The following PTPRN2 variants were observed in gnomAD, a reference collection of about 807,000 sequenced individuals.
The protein encoded by PTPRN2 is protein tyrosine phosphatase receptor type N2, also known as receptor-type tyrosine-protein phosphatase N2.
A neutral mutation model predicts 118.8 loss-of-function variants in PTPRN2; 74 were observed. The ratio of observed to expected loss-of-function variants is 0.62; its 90% CI spans 0.52 to 0.76. The LOEUF is 0.76. Ranked by LOEUF, PTPRN2 falls within the 30% of genes least tolerant of loss-of-function variation. PTPRN2 has a pLI of 0.00. For synonymous variants in PTPRN2, 641 were observed against 608.0 expected (o/e 1.05, Z -0.80); for missense variants, 1,481 against 1,394.4 (o/e 1.06, Z -0.99).
intron 21 of PTPRN2, among the ~76,000 whole-genome samples, chr7:157,566,337 T>A (rs1033776500): frequency 2.0e-5 from 3 of 152,192 alleles, no homozygotes; most frequent in Non-Finnish European, 2.9e-5. Flanking sequence ...AAACGCTGGG[T>A]CTGCAGTGGG....
intron 2 of PTPRN2, among the ~76,000 whole-genome samples, chr7:158,451,069 G>T (rs567728540): frequency 6.6e-6 from 1 of 152,186 alleles, no homozygotes; most frequent in East Asian, 1.9e-4. Flanking sequence ...AATTTCATAC[G>T]GCTTCCGTCT....
intron 1 of PTPRN2, among the ~76,000 whole-genome samples, chr7:158,516,891 T>C (rs1240560541): frequency 6.6e-6 from 1 of 152,250 alleles, no homozygotes; most frequent in African/African-American, 2.4e-5. Context: ...CTTCTGCCTA[T>C]TGTTCCTGGT....
rs149109149 is a variant in PTPRN2, at chr7:158,475,038, G to A, written c.163+14697C>T. Among the ~76,000 whole-genome samples, 524 of 152,248 alleles carry A rather than the reference G, an allele frequency of 3.4e-3. 2 individuals carry two copies. The highest frequency in any genetic ancestry group is 5.8e-3 in the Non-Finnish European group (393 of 67,996). ...CAGCTCCAGGGCAGATGCTGGCGAGGGAGGAAGGTGATCATAAGAACCCCG... is the reference window on the plus strand; with the variant it reads ...CAGCTCCAGGGCAGATGCTGGCGAGAGAGGAAGGTGATCATAAGAACCCCG... On this transcript the variant is annotated intron_variant, in intron 2 of 22. Coordinates refer to ENST00000389418, the MANE Select transcript of PTPRN2 (RefSeq NM_002847.5).
rs1803025844 is a variant in PTPRN2, at chr7:157,619,519, T to C, written c.2344+1843A>G. 1.3e-5 allele frequency among the ~76,000 whole-genome samples: 2 copies of C among 152,188 alleles called. No homozygotes were observed. Among genetic ancestry groups the C allele is most frequent in the South Asian group, 2.1e-4 (1 of 4,832 alleles). ...ACACAGGGCCGGTGCTTAGTAAATA[T>C]CTGTTAGTTGGCTAATGGGATGTAT... On this transcript the variant is annotated intron_variant, in intron 15 of 22. Coordinates refer to ENST00000389418, the MANE Select transcript of PTPRN2 (RefSeq NM_002847.5). The surrounding 1 kb of genome is among the most constrained non-coding windows in gnomAD (Gnocchi z 5.3).
intron 12 of PTPRN2, among the ~76,000 whole-genome samples, chr7:157,883,251 G>A (rs572062437): frequency 1.4e-5 from 2 of 142,440 alleles, no homozygotes; most frequent in Non-Finnish European, 3.0e-5. Flanking sequence ...TCAGAGACCA[G>A]AACACACCAC....
chr7:158,018,443 G>A (rs1408993814), intron 11 of PTPRN2, among the ~76,000 whole-genome samples: 1 of 152,178 alleles, frequency 6.6e-6, no homozygotes, highest in African/African-American at 2.4e-5. Flanking sequence ...CCGTGAAGCT[G>A]GATCTGCCTG....
In PTPRN2 at chr7:157,610,761, T is replaced by C. The variant is rs766389412; in HGVS notation, c.2345-6686A>G. Among the ~76,000 whole-genome samples the C allele has an allele frequency of 6.6e-6, 1 of 152,232 alleles. No homozygotes were observed. Among genetic ancestry groups the C allele is most frequent in the Non-Finnish European group, 1.5e-5 (1 of 68,030 alleles). ...CACTTGAAGACCAGCAACAGCGTGA[T>C]GACAGAACGCATTCTGAAGGGGCAG... On this transcript the variant is annotated intron_variant, in intron 15 of 22. Coordinates refer to ENST00000389418, the MANE Select transcript of PTPRN2 (RefSeq NM_002847.5). This position sits in a 1 kb window ranked among gnomAD's most constrained non-coding sequence, Gnocchi z 5.1.
At chr7:157,839,573 GTGAC>G (rs1808221380) in intron 12 of PTPRN2, among the ~76,000 whole-genome samples, 1 of 152,068 alleles carries the variant, frequency 6.6e-6, no homozygotes, top group Non-Finnish European at 1.5e-5. Context: ...GATTGTGTGT[GTGAC>G]TGTGTGAGCA....
chr7:157,584,613 C>G (rs1800568115), intron 17 of PTPRN2, among the ~76,000 whole-genome samples: 1 of 152,244 alleles, frequency 6.6e-6, no homozygotes, highest in Non-Finnish European at 1.5e-5. Flanking sequence ...CCACGCAATT[C>G]TGCTGCACAG....
At position 158,523,407 on chromosome 7, in the gene PTPRN2, C is replaced by T. The variant is rs551874205; in HGVS notation, c.113-33622G>A. Among the ~76,000 whole-genome samples, 431 of 138,130 alleles carry T rather than the reference C, an allele frequency of 3.1e-3. 2 individuals are homozygous for T. Among genetic ancestry groups the T allele is most frequent in the Non-Finnish European group, 4.6e-3 (283 of 61,418 alleles). 90.6% of individuals were successfully genotyped at this position (138,130 alleles called of 152,430 possible). On this transcript the variant is annotated intron_variant, in intron 1 of 22. Transcript: ENST00000389418. ...CTGCCCTGGAGCGGAGTCATCTGCC[C>T]TGGAGCGGAGTCTGCCCTGAAGCGG... is the stretch of plus-strand genomic sequence containing the variant.
At chr7:158,151,057 CT>C (rs1820994698) in intron 6 of PTPRN2, among the ~76,000 whole-genome samples, 1 of 121,162 alleles carries the variant, frequency 8.3e-6, no homozygotes, top group African/African-American at 3.3e-5. Flanking sequence ...CCTGCCCACA[CT>C]GCCCGCCTTT....
At chr7:158,097,375 C>T (rs941091124) in intron 10 of PTPRN2, among the ~76,000 whole-genome samples, 1 of 152,148 alleles carries the variant, frequency 6.6e-6, no homozygotes, top group Non-Finnish European at 1.5e-5. Flanking sequence ...GCTGCCTCTT[C>T]GGTAATAACA....
chr7:158,120,163 A>T (rs185180636), intron 9 of PTPRN2, among the ~76,000 whole-genome samples: 1 of 152,322 alleles, frequency 6.6e-6, no homozygotes, highest in East Asian at 1.9e-4. Flanking sequence ...TCAGAGAGAC[A>T]CAGAGTAGAG....
intron 12 of PTPRN2, among the ~76,000 whole-genome samples, chr7:157,737,410 G>A (rs1800364471): frequency 1.3e-5 from 2 of 152,252 alleles, no homozygotes; most frequent in South Asian, 4.1e-4. Context: ...GAGGGCACGT[G>A]TGCTGTGAGT....
chr7:157,704,634 G>T (rs4716488), intron 12 of PTPRN2, among the ~76,000 whole-genome samples: 9,461 of 152,180 alleles, frequency 0.062, 425 homozygotes, highest in East Asian at 0.22. Context: ...GGGAGGGCAG[G>T]TGCCCCTCAG....
At chr7:157,917,498 G>C (rs918178423) in intron 11 of PTPRN2, among the ~76,000 whole-genome samples, 5 of 152,222 alleles carry the variant, frequency 3.3e-5, no homozygotes, top group Non-Finnish European at 7.3e-5. Context: ...GGTGGAAAGG[G>C]AGCATGGCTG....
chr7:158,058,206 GCC>G (rs1809963288), intron 11 of PTPRN2, among the ~76,000 whole-genome samples: 3 of 148,776 alleles, frequency 2.0e-5, no homozygotes, highest in South Asian at 2.2e-4. Flanking sequence ...CACTCCATCT[GCC>G]CACGGTGAGA....
rs1051919213 is a variant in PTPRN2 at position 157,674,187 on chromosome 7, G to A, written c.2001+8538C>T. ...ACAGCAGGGGAGGGAAGGAGGAGGC[G>A]GGGCTCACAGAGCAGAGAGCCATGG... On this transcript the variant is annotated intron_variant, in intron 13 of 22. Transcript: ENST00000389418. This position sits in a 1 kb window ranked among gnomAD's most constrained non-coding sequence, Gnocchi z 4.5. Among the ~76,000 whole-genome samples, 4 of 152,100 alleles carry A rather than the reference G, an allele frequency of 2.6e-5. No homozygotes were observed. The highest frequency in any genetic ancestry group is 2.0e-4 in the Admixed American group (3 of 15,282).
chr7:158,273,551 C>CAG (rs1798682006), intron 3 of PTPRN2, among the ~76,000 whole-genome samples: 3 of 112,538 alleles, frequency 2.7e-5, no homozygotes, highest in African/African-American at 1.2e-4. Context: ...GAGCCGCAGA[C>CAG]ACAGGGGGAG....
Sources: gnomAD v4.1 joint callset for allele counts (sites outside exome capture counted in the v4.1 genomes callset) on GRCh38, gnomAD v4.1.1 for gene constraint, Gnocchi (gnomAD v3.1) non-coding constraint, MANE v1.5 for transcripts, NCBI Gene and HGNC (gene_info 2026-07-23, HGNC 2026-07-21) for gene names.